The following EBF1 variants were observed in gnomAD, a reference collection of about 807,000 sequenced individuals.
EBF1 encodes the protein transcription factor COE1.
In EBF1, 10 loss-of-function variants were observed where a neutral mutation model predicts 68.4. The observed-to-expected ratio is 0.15, with a 90% CI of 0.09 to 0.25. The LOEUF is 0.25. EBF1 is among the 10% of genes least tolerant of loss of function. The pLI is 1.00. For synonymous variants in EBF1, 298 were observed against 299.8 expected, an observed-to-expected ratio of 0.99 and a Z score of 0.06; for missense variants, 509 against 794.4, an observed-to-expected ratio of 0.64 and a Z score of 4.32.
chr5:158,906,242 C>A (rs1326835827), intron 6 of EBF1, among the ~76,000 whole-genome samples: 1 of 148,848 alleles, frequency 6.7e-6, no homozygotes, highest in Non-Finnish European at 1.5e-5. Context: ...TTCACTATCC[C>A]ACCTATAACA....
At chr5:158,793,192 C>T (rs1485565466) in intron 9 of EBF1, among the ~76,000 whole-genome samples, 1 of 152,108 alleles carries the variant, frequency 6.6e-6, no homozygotes, top group African/African-American at 2.4e-5. Context: ...AAGAGCACTA[C>T]CAAACATTTA....
rs201863996 is a variant in EBF1 at position 158,850,104 on chromosome 5, AT to A, written c.555-9995del. ...ATATTTTAAACTTTGATGTTGAGAA[AT>A]TTTTATCTCCAAGTTAAACCTGCCA... On this transcript the variant is annotated intron_variant, in intron 6 of 15. Coordinates refer to ENST00000313708, the MANE Select transcript of EBF1 (RefSeq NM_024007.5). Among the ~76,000 whole-genome samples, 1,078 of 152,250 alleles carry A rather than the reference AT, an allele frequency of 7.1e-3. 6 individuals are homozygous for A. The highest frequency in any genetic ancestry group is 0.031 in the Middle Eastern group (9 of 294).
chr5:158,920,547 T>C (rs1808180279), intron 6 of EBF1, among the ~76,000 whole-genome samples: 1 of 152,136 alleles, frequency 6.6e-6, no homozygotes, highest in Admixed American at 6.5e-5. Context: ...GAAAGGCATG[T>C]GCAGCAGGCA....
At position 159,079,025 on chromosome 5, in the gene EBF1, C is replaced by A. The variant is rs142395301; in HGVS notation, c.486-5561G>T. Among the ~76,000 whole-genome samples the A allele has an allele frequency of 3.5e-3, 534 of 152,266 alleles. 24 individuals carry two copies. Among genetic ancestry groups the A allele is most frequent in the Admixed American group, 0.032 (487 of 15,282 alleles). ...TTTCAAACTTGTAAAAAACAAGATG[C>A]CTTACCTATTTCCCTAAAGTGGCTA... On this transcript the variant is annotated intron_variant, in intron 5 of 15. Coordinates refer to ENST00000313708, the MANE Select transcript of EBF1 (RefSeq NM_024007.5).
intron 5 of EBF1, chr5:159,073,679 G>C (rs1778235482): frequency 3.6e-6 from 2 of 549,276 alleles, no homozygotes; most frequent in East Asian, 6.1e-5. Context: ...AAGGAGGTGG[G>C]GGAGAGGGGC....
chr5:158,815,038 A>C (rs1783444629), intron 8 of EBF1, among the ~76,000 whole-genome samples: 1 of 152,210 alleles, frequency 6.6e-6, no homozygotes, highest in Admixed American at 6.5e-5. Context: ...AGAAAAAAAT[A>C]AGAACAATAG....
intron 7 of EBF1, 90 bp from the exon 8 acceptor site, chr5:158,823,407 T>G: frequency 8.1e-7 from 1 of 1,239,730 alleles, no homozygotes; most frequent in Non-Finnish European, 1.1e-6. Context: ...AGCTGGGAGC[T>G]GAAGAAAATT....
chr5:159,079,742 G>A (rs2127966893), intron 5 of EBF1, among the ~76,000 whole-genome samples: 1 of 151,502 alleles, frequency 6.6e-6, no homozygotes, highest in South Asian at 2.1e-4. Flanking sequence ...CTCCCGAGTA[G>A]CTTGGACCAC....
At chr5:159,060,766 A>G (rs774353907) in intron 6 of EBF1, among the ~76,000 whole-genome samples, 4 of 152,188 alleles carry the variant, frequency 2.6e-5, no homozygotes, top group Non-Finnish European at 5.9e-5. Context: ...ATGGCATAAA[A>G]GATGTTTGAT....
intron 6 of EBF1, among the ~76,000 whole-genome samples, chr5:159,043,341 T>A (rs1350088544): frequency 6.6e-6 from 1 of 152,212 alleles, no homozygotes; most frequent in Non-Finnish European, 1.5e-5. Flanking sequence ...AATAAGCCAG[T>A]TCTTCTCCCT....
chr5:159,023,672 C>T (rs185573611), intron 6 of EBF1, among the ~76,000 whole-genome samples: 92 of 152,264 alleles, frequency 6.0e-4, no homozygotes, highest in South Asian at 2.1e-3. Context: ...GCCTTTTACT[C>T]GCAAAAACAA....
At chr5:158,708,293 C>G in intron 14 of EBF1, 120 bp from the exon 15 acceptor site, 1 of 996,762 alleles carries the variant, frequency 1.0e-6, no homozygotes, top group Non-Finnish European at 1.5e-6. Flanking sequence ...ATGCTTCCAG[C>G]ACAAACCTTC....
intron 2 of EBF1, chr5:159,096,745 C>A: frequency 1.6e-6 from 1 of 633,854 alleles, no homozygotes; most frequent in Non-Finnish European, 2.7e-6. Flanking sequence ...GATTGTAGAG[C>A]CAGGCTTGCC....
intron 6 of EBF1, among the ~76,000 whole-genome samples, chr5:159,028,345 G>C (rs902881742): frequency 3.9e-5 from 6 of 152,186 alleles, no homozygotes; most frequent in African/African-American, 1.4e-4. Context: ...GCTGGACTAA[G>C]AAAATCTAAG....
At chr5:158,979,524 C>G (rs1327028969) in intron 6 of EBF1, among the ~76,000 whole-genome samples, 4 of 151,922 alleles carry the variant, frequency 2.6e-5, no homozygotes, top group African/African-American at 9.7e-5. Flanking sequence ...TTGATTTTTC[C>G]CGGCACTAAT....
intron 6 of EBF1, among the ~76,000 whole-genome samples, chr5:158,877,312 T>C (rs942648341): frequency 6.6e-6 from 1 of 152,222 alleles, no homozygotes; most frequent in Non-Finnish European, 1.5e-5. Flanking sequence ...TCTTTTCTTT[T>C]CCTTATTTCG....
chr5:158,880,876 C>T (rs796227858), intron 6 of EBF1, among the ~76,000 whole-genome samples: 11 of 152,318 alleles, frequency 7.2e-5, no homozygotes, highest in African/African-American at 2.6e-4. Context: ...CCCTGGTCTT[C>T]TGATTTTAAA....
chr5:158,835,588 A>G (rs1358566877), intron 7 of EBF1, among the ~76,000 whole-genome samples: 1 of 152,128 alleles, frequency 6.6e-6, no homozygotes, highest in African/African-American at 2.4e-5. Context: ...GGATTCCAGC[A>G]CATATTTGTG....
At chr5:158,884,845 C>A (rs1048291568) in intron 6 of EBF1, among the ~76,000 whole-genome samples, 1 of 152,074 alleles carries the variant, frequency 6.6e-6, no homozygotes, top group Admixed American at 6.6e-5. Flanking sequence ...GTAGTATTAT[C>A]CATAATTTAA....
Sources: gnomAD v4.1 joint callset for allele counts (sites outside exome capture counted in the v4.1 genomes callset) on GRCh38, gnomAD v4.1.1 for gene constraint, MANE v1.5 for transcripts, NCBI Gene and HGNC (gene_info 2026-07-23, HGNC 2026-07-21) for gene names.